Variants in VAT1L observed in about 807,000 individuals in gnomAD.
VAT1L encodes the protein putative NADPH-dependent quinone oxidoreductase VAT1L.
A neutral mutation model predicts 44.1 loss-of-function variants in VAT1L; 34 were observed. The ratio of observed to expected loss-of-function variants is 0.77; its 90% CI spans 0.59 to 1.03. The LOEUF is 1.03. Ranked by LOEUF, VAT1L falls within the 50% of genes least tolerant of loss-of-function variation. VAT1L has a pLI of 0.00. For missense variants in VAT1L, 615 were observed against 538.8 expected, an observed-to-expected ratio of 1.14 and a Z score of -1.40; for synonymous variants, 253 against 202.2, an observed-to-expected ratio of 1.25 and a Z score of -2.13.
chr16:77,885,984 G>T (rs1388325787), intron 7 of VAT1L, among the ~76,000 whole-genome samples: 1 of 152,142 alleles, frequency 6.6e-6, no homozygotes, highest in Non-Finnish European at 1.5e-5. Context: ...CAAAAACCTT[G>T]TTTCTTATGA....
chr16:77,922,528 C>T (rs1471076285), intron 7 of VAT1L, among the ~76,000 whole-genome samples: 2 of 152,138 alleles, frequency 1.3e-5, no homozygotes, highest in Admixed American at 6.5e-5. Context: ...CAGCTGTCAG[C>T]GGCTTGTCAC....
At chr16:77,892,425 T>C (rs538248164) in intron 7 of VAT1L, 4 of 461,804 alleles carry the variant, frequency 8.7e-6, no homozygotes, top group South Asian at 3.4e-5. Context: ...TGCTGCACCA[T>C]GGTCAATCCC....
At chr16:77,871,151 G>A (rs2017027805) in intron 4 of VAT1L, among the ~76,000 whole-genome samples, 1 of 152,124 alleles carries the variant, frequency 6.6e-6, no homozygotes, top group African/African-American at 2.4e-5. Flanking sequence ...AAGAGCAAAA[G>A]CATCCTCACC....
intron 7 of VAT1L, among the ~76,000 whole-genome samples, chr16:77,956,671 C>T (rs2018107103): frequency 6.6e-6 from 1 of 152,214 alleles, no homozygotes; most frequent in Admixed American, 6.5e-5. Context: ...CTATAGTTTG[C>T]TCCTCCTATC....
chr16:77,972,029 TA>T (rs778586032), intron 8 of VAT1L, 96 bp downstream of exon 8: 63 of 1,214,374 alleles, frequency 5.2e-5, no homozygotes, highest in Non-Finnish European at 7.2e-5. Flanking sequence ...GAAGTACAGG[TA>T]GCCTGTGGGC....
chr16:77,886,195 T>C (rs1359208267), intron 7 of VAT1L, among the ~76,000 whole-genome samples: 1 of 152,218 alleles, frequency 6.6e-6, no homozygotes, highest in Non-Finnish European at 1.5e-5. Context: ...CCTTCTGCTG[T>C]GTAATTGCCA....
At chr16:77,938,334 C>T (rs1050204246) in intron 7 of VAT1L, among the ~76,000 whole-genome samples, 1 of 152,156 alleles carries the variant, frequency 6.6e-6, no homozygotes, top group African/African-American at 2.4e-5. Flanking sequence ...TGGGATATAC[C>T]TATAAACAAA....
chr16:77,804,788 C>G (rs1370269593), intron 1 of VAT1L, among the ~76,000 whole-genome samples: 1 of 152,138 alleles, frequency 6.6e-6, no homozygotes, highest in African/African-American at 2.4e-5. Context: ...TGGTCTTTAG[C>G]TCCAGCAGCC....
chr16:77,974,158 C>T (rs2018310320), intron 8 of VAT1L, among the ~76,000 whole-genome samples: 1 of 152,136 alleles, frequency 6.6e-6, no homozygotes, highest in Non-Finnish European at 1.5e-5. Flanking sequence ...ATGGATATAA[C>T]TTATTAAATA....
At chr16:77,853,809 A>T (rs2016830190) in intron 3 of VAT1L, among the ~76,000 whole-genome samples, 1 of 152,094 alleles carries the variant, frequency 6.6e-6, no homozygotes, top group Admixed American at 6.6e-5. Context: ...CTGTCCACCA[A>T]GTCTTCTCAA....
intron 3 of VAT1L, among the ~76,000 whole-genome samples, chr16:77,832,306 C>A (rs924742808): frequency 3.9e-5 from 6 of 152,060 alleles, no homozygotes; most frequent in Admixed American, 6.5e-5. Flanking sequence ...ACTATTTTAC[C>A]CAGAGGATTC....
chr16:77,872,729 A>G (rs933857202), intron 4 of VAT1L, among the ~76,000 whole-genome samples: 1 of 152,138 alleles, frequency 6.6e-6, no homozygotes, highest in African/African-American at 2.4e-5. Flanking sequence ...AAGTTGCTCT[A>G]TTGGAGCAGT....
chr16:77,916,568 C>T (rs1162835171), intron 7 of VAT1L, among the ~76,000 whole-genome samples: 4 of 152,142 alleles, frequency 2.6e-5, no homozygotes, highest in African/African-American at 4.8e-5. Context: ...TCTCCCCAGT[C>T]GCTGGGACTA....
intron 1 of VAT1L, among the ~76,000 whole-genome samples, chr16:77,810,214 A>C (rs2016241149): frequency 6.6e-6 from 1 of 152,186 alleles, no homozygotes; most frequent in Non-Finnish European, 1.5e-5. Flanking sequence ...AATTAGCTTT[A>C]AAAAATAAAA....
intron 1 of VAT1L, among the ~76,000 whole-genome samples, chr16:77,804,578 C>T (rs1177447289): frequency 6.6e-6 from 1 of 152,110 alleles, no homozygotes; most frequent in Non-Finnish European, 1.5e-5. Context: ...GCTATATTAC[C>T]CTCATCATCA....
chr16:77,841,571 T>C (rs1408131150), intron 3 of VAT1L, among the ~76,000 whole-genome samples: 2 of 152,216 alleles, frequency 1.3e-5, no homozygotes, highest in South Asian at 2.1e-4. Flanking sequence ...TGTCAGACTT[T>C]GTCCACGGTA....
At chr16:77,801,947 T>G (rs958940277) in intron 1 of VAT1L, among the ~76,000 whole-genome samples, 1 of 152,196 alleles carries the variant, frequency 6.6e-6, no homozygotes, top group African/African-American at 2.4e-5. Context: ...GCAGCCGGAA[T>G]CGACGATGCA....
intron 7 of VAT1L, among the ~76,000 whole-genome samples, chr16:77,890,531 G>T (rs1436734242): frequency 1.6e-4 from 24 of 152,164 alleles, no homozygotes; most frequent in Admixed American, 1.6e-3. Context: ...CTTAGATACA[G>T]CTGTGGTCTC....
At chr16:77,872,712 T>A (rs76060454) in intron 4 of VAT1L, among the ~76,000 whole-genome samples, 1 of 152,192 alleles carries the variant, frequency 6.6e-6, no homozygotes, top group Non-Finnish European at 1.5e-5. Flanking sequence ...CATCTTCCAA[T>A]GCTCGTAAGT....
Sources: allele counts gnomAD v4.1 joint callset (sites outside exome capture counted in the v4.1 genomes callset), GRCh38; gene constraint gnomAD v4.1.1; transcripts MANE v1.5; gene names NCBI Gene and HGNC (gene_info 2026-07-23, HGNC 2026-07-21).